The following SP3 variants were observed in gnomAD, a reference collection of about 807,000 sequenced individuals.
SP3 encodes the protein Sp3 transcription factor.
A neutral mutation model predicts 70.3 loss-of-function variants in SP3; 10 were observed. That is an observed-to-expected ratio of 0.14 (90% CI 0.09 to 0.24). The LOEUF (loss-of-function observed/expected upper bound fraction) is 0.24. Ranked by LOEUF, SP3 falls within the 10% of genes least tolerant of loss-of-function variation. The pLI is 1.00. For missense variants in SP3, 825 were observed against 914.6 expected, an observed-to-expected ratio of 0.90 and a Z score of 1.26; for synonymous variants, 402 against 333.5, an observed-to-expected ratio of 1.21 and a Z score of -2.24.
At chr2:173,964,121 T>C (rs1559113388) in intron 2 of SP3, 4 of 347,618 alleles carry the variant, frequency 1.2e-5, no homozygotes, top group East Asian at 8.9e-5. Context: ...GGCGGCGGGC[T>C]GCGCGCCGGG....
rs1220735877 is a variant in SP3, at chr2:173,903,735, A to T, written c.*6206T>A. On this transcript the variant is annotated 3_prime_UTR_variant, in exon 7 of 7. Transcript: ENST00000310015. ...ACCAACCACAGATAAAGATACAGCC[A>T]TCTGTTAAGAGGGCGTCCTGAAACT... 6.6e-6 allele frequency among the ~76,000 whole-genome samples: 1 copy of T among 152,190 alleles called. No homozygotes were observed. The highest frequency in any genetic ancestry group is 1.5e-5 in the Non-Finnish European group (1 of 68,024).
Position 173,900,848 on chromosome 2 carries a change from T to G in SP3, c.*9093A>C, listed in dbSNP as rs551911325. Among the ~76,000 whole-genome samples, 1 of 152,240 alleles carries G rather than the reference T, an allele frequency of 6.6e-6. No individual in the cohort carries two copies. Among genetic ancestry groups the G allele is most frequent in the African/African-American group, 2.4e-5 (1 of 41,472 alleles). ...TTAATGGAGAGATACAGAATTATCA[T>G]GGATAGAAAGATAACATTCTTTCCC... On this transcript the variant is annotated 3_prime_UTR_variant, in exon 7 of 7. Transcript: ENST00000310015.
chr2:173,921,530 AAAAC>A (rs57470941), intron 4 of SP3, among the ~76,000 whole-genome samples: 105,452 of 149,916 alleles, frequency 0.7, 37,739 homozygotes, highest in African/African-American at 0.8. Context: ...TCACTATCCA[AAAAC>A]AAACAAACAA....
chr2:173,904,704 G>A lies in SP3; in HGVS notation c.*5237C>T, dbSNP rs980858205. Among the ~76,000 whole-genome samples the A allele has an allele frequency of 2.6e-5, 4 of 152,192 alleles. No homozygotes were observed. Among genetic ancestry groups the A allele is most frequent in the Non-Finnish European group, 5.9e-5 (4 of 68,030 alleles). On this transcript the variant is annotated 3_prime_UTR_variant, in exon 7 of 7. Transcript: ENST00000310015. ...TTGACCAGATGTCCACTCCTTGTCTGATTTCTGAACAGCTCCTCACGGAAG... is the reference window on the plus strand; with the variant it reads ...TTGACCAGATGTCCACTCCTTGTCTAATTTCTGAACAGCTCCTCACGGAAG...
chr2:173,926,344 A>C (rs1309707026), intron 4 of SP3, among the ~76,000 whole-genome samples: 8 of 152,202 alleles, frequency 5.3e-5, no homozygotes, highest in Non-Finnish European at 8.8e-5. Context: ...TACCTATTAT[A>C]ATCTTATTCT....
At chr2:173,964,082 AC>A in intron 2 of SP3, 199 bp from the exon 3 acceptor site, 1 of 341,840 alleles carries the variant, frequency 2.9e-6, no homozygotes, top group East Asian at 4.6e-5. Flanking sequence ...CGCTCCAAGC[AC>A]CCCGGCTCCC....
chr2:173,929,169 T>C (rs73028239), intron 4 of SP3, among the ~76,000 whole-genome samples: 7,243 of 152,248 alleles, frequency 0.048, 283 homozygotes, highest in Admixed American at 0.14. Flanking sequence ...TCACATTCTG[T>C]TCTTTAACTT....
In SP3 at chr2:173,949,545, G is replaced by C. The variant is rs190945351; in HGVS notation, c.1639+5328C>G. Reference sequence around the variant, plus strand: ...CCGTGAGAATAGTAAATAGATTAATGTAAGAAAGAATTATATGAGATAATA... The same window carrying C: ...CCGTGAGAATAGTAAATAGATTAATCTAAGAAAGAATTATATGAGATAATA... On this transcript the variant is annotated intron_variant, in intron 4 of 6. Transcript: ENST00000310015. 2.2e-4 allele frequency among the ~76,000 whole-genome samples: 34 copies of C among 152,166 alleles called. No homozygotes were observed. The East Asian group carries it at 6.2e-3, about 28-fold the overall frequency.
chr2:173,915,439 T>C (rs1403313086), intron 5 of SP3: 2 of 152,170 alleles, frequency 1.3e-5, no homozygotes, highest in African/African-American at 4.8e-5. Context: ...TTTAAAGTTT[T>C]CTTCTTGATT....
Position 173,955,747 on chromosome 2 carries a change from A to G in SP3, c.765T>C (p.Asn255=), listed in dbSNP as rs144639363. Residue 255 remains asparagine (N), a synonymous_variant, in exon 4 of 7, where the codon AAT becomes AAC. Coordinates refer to ENST00000310015, the MANE Select transcript of SP3 (RefSeq NM_003111.5). ...SFPGQTQVVA[N]VPLGLPGNIT... is the part of the protein sequence containing the mutation. Reference sequence around the variant, plus strand: ...TATTTCCTGGCAGACCAAGAGGCACATTAGCAACTACTTGGGTTTGACCAG... The same window carrying G: ...TATTTCCTGGCAGACCAAGAGGCACGTTAGCAACTACTTGGGTTTGACCAG... 3.1e-6 allele frequency: 5 copies of G among 1,614,126 alleles called. No individual in the cohort carries two copies. The highest frequency in any genetic ancestry group is 4.5e-5 in the East Asian group (2 of 44,900).
Position 173,955,799 on chromosome 2 carries a change from C to T in SP3, c.713G>A (p.Gly238Glu). Reference protein sequence around the residue: ...IPQTGQVQVQGVAIGGSSFPG... With the variant: ...IPQTGQVQVQEVAIGGSSFPG... The stretch of plus-strand genomic sequence containing the variant: ...AAAAGATGAACCACCAATTGCAACT[C>T]CCTGAACCTGGACTTGACCAGTCTG... Residue 238 changes from glycine to glutamate, a missense_variant, in exon 4 of 7, where the codon GGA becomes GAA. By Grantham distance (98) the Gly-to-Glu change is moderately conservative. Coordinates refer to ENST00000310015, the MANE Select transcript of SP3 (RefSeq NM_003111.5). The T allele has an allele frequency of 6.2e-7, 1 of 1,614,200 alleles. No individual in the cohort carries two copies. Among genetic ancestry groups the T allele is most frequent in the Non-Finnish European group, 8.5e-7 (1 of 1,180,030 alleles).
chr2:173,944,342 T>C (rs567966905), intron 4 of SP3, among the ~76,000 whole-genome samples: 31 of 152,304 alleles, frequency 2.0e-4, no homozygotes, highest in Middle Eastern at 3.4e-3. Context: ...GAGGCCACCC[T>C]GGGCAACATG....
chr2:173,961,939 T>G (rs996108883), intron 3 of SP3, among the ~76,000 whole-genome samples: 1 of 88,868 alleles, frequency 1.1e-5, no homozygotes, highest in East Asian at 2.8e-4. Flanking sequence ...GTTTGGGTTT[T>G]TTTTTTTTTT....
At chr2:173,924,564 T>C (rs571112806) in intron 4 of SP3, among the ~76,000 whole-genome samples, 1 of 152,224 alleles carries the variant, frequency 6.6e-6, no homozygotes, top group African/African-American at 2.4e-5. Context: ...TATTAACTCA[T>C]GTCATGCTCC....
intron 4 of SP3, among the ~76,000 whole-genome samples, chr2:173,953,242 A>G (rs1365614951): frequency 6.6e-6 from 1 of 152,258 alleles, no homozygotes; most frequent in Admixed American, 6.5e-5. Flanking sequence ...GATTTATGCT[A>G]AGACACAAGC....
In SP3 at chr2:173,955,606, A is replaced by G; in HGVS notation, c.906T>C (p.Ala302=). 6.2e-7 allele frequency: 1 copy of G among 1,614,098 alleles called. No individual in the cohort carries two copies. Among genetic ancestry groups the G allele is most frequent in the Non-Finnish European group, 8.5e-7 (1 of 1,180,028 alleles). The change falls in exon 4 of 7, where the codon GCT becomes GCC. Residue 302 remains alanine (A), a synonymous_variant. Coordinates refer to ENST00000310015, the MANE Select transcript of SP3 (RefSeq NM_003111.5). ...ADGHLINTGQ[A]MDSSDNSERT... is the part of the protein sequence containing the mutation. Reference sequence around the variant, plus strand: ...TTTCTGAATTGTCTGAACTATCCATAGCTTGTCCTGTGTTTATCAAATGTC... The same window carrying G: ...TTTCTGAATTGTCTGAACTATCCATGGCTTGTCCTGTGTTTATCAAATGTC...
At chr2:173,962,676 G>A (rs1393464525) in intron 3 of SP3, among the ~76,000 whole-genome samples, 1 of 151,566 alleles carries the variant, frequency 6.6e-6, no homozygotes, top group Non-Finnish European at 1.5e-5. Context: ...GACATACTAA[G>A]CATTTGTTGT....
At position 173,964,466 on chromosome 2, in the gene SP3, T is replaced by TCGCCGTGGC. The variant is rs987227888; in HGVS notation, c.86_94dup (p.Gly29_Gly31dup). On this transcript the variant is annotated inframe_insertion, in exon 2 of 7. Coordinates refer to ENST00000310015, the MANE Select transcript of SP3 (RefSeq NM_003111.5). ...GTGCTGTTGCTGCTGCTGCAGATAC[T>TCGCCGTGGC]CGCCGTGGCCGCCGCCGCCGCCACC... 1.4e-6 allele frequency: 1 copy of TCGCCGTGGC among 708,490 alleles called. No individual in the cohort carries two copies. The highest frequency in any genetic ancestry group is 2.8e-5 in the East Asian group (1 of 35,262). The allele number at this position is 708,490 out of a possible 1,614,324, so 43.9% of individuals were successfully genotyped here.
chr2:173,931,228 G>C (rs1463969579), intron 4 of SP3, among the ~76,000 whole-genome samples: 1 of 152,212 alleles, frequency 6.6e-6, no homozygotes, highest in Non-Finnish European at 1.5e-5. Flanking sequence ...GCTGCTGACT[G>C]ATCAAGATGG....
Sources: allele counts gnomAD v4.1 joint callset (sites outside exome capture counted in the v4.1 genomes callset), GRCh38; gene constraint gnomAD v4.1.1; transcripts MANE v1.5; gene names NCBI Gene and HGNC (gene_info 2026-07-23, HGNC 2026-07-21).